The following TRPC4 variants were observed in gnomAD, a reference collection of about 807,000 sequenced individuals.
TRPC4 encodes the protein transient receptor potential cation channel subfamily C member 4, also known as short transient receptor potential channel 4.
A neutral mutation model predicts 99.4 loss-of-function variants in TRPC4; 49 were observed. The ratio of observed to expected loss-of-function variants is 0.49; its 90% CI spans 0.39 to 0.63. TRPC4 has a LOEUF of 0.63. Ranked by LOEUF, TRPC4 falls within the 20% of genes least tolerant of loss-of-function variation. TRPC4 has a pLI of 0.00. For missense variants in TRPC4, 898 were observed against 1,152.9 expected (o/e 0.78, Z 3.20); for synonymous variants, 454 against 425.9 (o/e 1.07, Z -0.81).
rs566088989 is a variant in TRPC4, at chr13:37,633,653, T to C, written c.*3250A>G. On this transcript the variant is annotated 3_prime_UTR_variant, in exon 11 of 11. Coordinates refer to ENST00000379705, the MANE Select transcript of TRPC4 (RefSeq NM_016179.4). ...TCAATTTGTTTCATCACTAAAGTATTTCAAGTTGCTGTCTACGTCAAGGCA... is the reference window on the plus strand; with the variant it reads ...TCAATTTGTTTCATCACTAAAGTATCTCAAGTTGCTGTCTACGTCAAGGCA... Among the ~76,000 whole-genome samples, 2 of 152,282 alleles carry C rather than the reference T, an allele frequency of 1.3e-5. No individual in the cohort carries two copies. Among genetic ancestry groups the C allele is most frequent in the African/African-American group, 2.4e-5 (1 of 41,580 alleles).
chr13:37,833,526 CT>C (rs1243770070), intron 1 of TRPC4, among the ~76,000 whole-genome samples: 1 of 152,164 alleles, frequency 6.6e-6, no homozygotes, highest in East Asian at 1.9e-4. Flanking sequence ...AGATACTCTC[CT>C]CCTGCTCTGT....
chr13:37,812,176 C>CAAAA (rs61607544), intron 1 of TRPC4, among the ~76,000 whole-genome samples: 639 of 55,102 alleles, frequency 0.012, 47 homozygotes, highest in African/African-American at 0.035. Context: ...GAGACTCTAT[C>CAAAA]AAAAAAAAAA....
At chr13:37,656,405 G>A (rs2985167) in intron 6 of TRPC4, among the ~76,000 whole-genome samples, 87,826 of 151,954 alleles carry the variant, frequency 0.58, 25,937 homozygotes, top group Non-Finnish European at 0.63. Context: ...GAATGGTGTT[G>A]CAGAACCAAG....
intron 1 of TRPC4, among the ~76,000 whole-genome samples, chr13:37,784,096 C>T (rs1472993278): frequency 6.6e-6 from 1 of 151,930 alleles, no homozygotes; most frequent in African/African-American, 2.4e-5. Context: ...GCCCAATGAA[C>T]ATAATTATAT....
At chr13:37,690,081 A>G (rs780377184) in intron 4 of TRPC4, among the ~76,000 whole-genome samples, 10 of 152,234 alleles carry the variant, frequency 6.6e-5, no homozygotes, top group Admixed American at 1.3e-4. Flanking sequence ...TAGACATTCA[A>G]TATAAGTTAG....
At chr13:37,717,252 T>C (rs181959620) in intron 3 of TRPC4, among the ~76,000 whole-genome samples, 3 of 152,274 alleles carry the variant, frequency 2.0e-5, no homozygotes, top group Admixed American at 6.5e-5. Flanking sequence ...AGCTAATAGA[T>C]GACGATATCA....
intron 1 of TRPC4, chr13:37,855,066 C>T (rs1375916162): frequency 6.6e-6 from 1 of 151,586 alleles, no homozygotes; most frequent in Non-Finnish European, 1.5e-5. Flanking sequence ...AAAAATAAAG[C>T]CCCATGTTCT....
At chr13:37,692,369 T>C (rs574556401) in intron 3 of TRPC4, 34 bp from the exon 4 acceptor site, 1 of 1,572,082 alleles carries the variant, frequency 6.4e-7, no homozygotes, top group South Asian at 1.2e-5. Flanking sequence ...GAAAAATAAG[T>C]CACAGTTACA....
At chr13:37,848,139 A>G (rs1248356228) in intron 1 of TRPC4, among the ~76,000 whole-genome samples, 1 of 152,188 alleles carries the variant, frequency 6.6e-6, no homozygotes. Flanking sequence ...TAAGCTGAGG[A>G]GCATCTGTAA....
chr13:37,735,581 G>T (rs1955371124), intron 3 of TRPC4, among the ~76,000 whole-genome samples: 1 of 152,150 alleles, frequency 6.6e-6, no homozygotes, highest in South Asian at 2.1e-4. Flanking sequence ...GAAACCTGAT[G>T]ATCTTATTGC....
chr13:37,808,799 CT>C (rs1198349976), intron 1 of TRPC4, among the ~76,000 whole-genome samples: 3 of 152,034 alleles, frequency 2.0e-5, no homozygotes, highest in Admixed American at 6.6e-5. Flanking sequence ...TTACCTTTCT[CT>C]CCCTTCCACA....
At chr13:37,820,442 G>A (rs1319732982) in intron 1 of TRPC4, among the ~76,000 whole-genome samples, 1 of 151,884 alleles carries the variant, frequency 6.6e-6, no homozygotes, top group African/African-American at 2.4e-5. Flanking sequence ...ATTCTATGAC[G>A]CCAGAATCCT....
In TRPC4 at chr13:37,633,806, G is replaced by A. The variant is rs545115837; in HGVS notation, c.*3097C>T. Among the ~76,000 whole-genome samples the A allele has an allele frequency of 2.4e-4, 36 of 152,056 alleles. No homozygotes were observed. In the East Asian group the frequency reaches 5.8e-3, roughly 25 times the overall value. On this transcript the variant is annotated 3_prime_UTR_variant, in exon 11 of 11. Coordinates refer to ENST00000379705, the MANE Select transcript of TRPC4 (RefSeq NM_016179.4). ...ACATTTTGAGGATGTTTAGCACTTT[G>A]AAAAATTACTCATGATTTTATAAAA...
rs147059369 is a variant in TRPC4, at chr13:37,802,137, T to C, written c.-27-18777A>G. Among the ~76,000 whole-genome samples the C allele has an allele frequency of 2.0e-5, 3 of 152,230 alleles. No homozygotes were observed. The East Asian group carries it at 5.8e-4, about 29-fold the overall frequency. The stretch of plus-strand genomic sequence containing the variant: ...TTTTTATTTTAAAATGATTTCAAAC[T>C]TACAGAACTGTTGCAAAAACCATAC... On this transcript the variant is annotated intron_variant, in intron 1 of 10. Coordinates refer to ENST00000379705, the MANE Select transcript of TRPC4 (RefSeq NM_016179.4).
intron 3 of TRPC4, among the ~76,000 whole-genome samples, chr13:37,727,644 A>G (rs1046574460): frequency 6.6e-5 from 10 of 152,084 alleles, no homozygotes; most frequent in Non-Finnish European, 1.3e-4. Context: ...GATCAATAAA[A>G]TTGACAAACT....
At chr13:37,820,276 A>G (rs970031804) in intron 1 of TRPC4, among the ~76,000 whole-genome samples, 1 of 152,020 alleles carries the variant, frequency 6.6e-6, no homozygotes, top group Non-Finnish European at 1.5e-5. Flanking sequence ...GACCAATAAC[A>G]AGTTTGGAAA....
At chr13:37,844,467 G>T (rs1958831484) in intron 1 of TRPC4, among the ~76,000 whole-genome samples, 1 of 151,982 alleles carries the variant, frequency 6.6e-6, no homozygotes, top group African/African-American at 2.4e-5. Flanking sequence ...GCTAATTTTT[G>T]TATGTTTAGT....
intron 5 of TRPC4, among the ~76,000 whole-genome samples, chr13:37,670,018 A>C (rs1006727806): frequency 6.6e-6 from 1 of 152,068 alleles, no homozygotes; most frequent in African/African-American, 2.4e-5. Context: ...TAGTGTCCTT[A>C]TAAGGAGACA....
At chr13:37,828,789 A>C (rs1346551616) in intron 1 of TRPC4, among the ~76,000 whole-genome samples, 1 of 152,180 alleles carries the variant, frequency 6.6e-6, no homozygotes, top group Non-Finnish European at 1.5e-5. Context: ...CATGGAGTAC[A>C]TACAGAAACA....
Sources: gnomAD v4.1 joint callset for allele counts (sites outside exome capture counted in the v4.1 genomes callset) on GRCh38, gnomAD v4.1.1 for gene constraint, MANE v1.5 for transcripts, NCBI Gene and HGNC (gene_info 2026-07-23, HGNC 2026-07-21) for gene names.